The following HEATR5A variants were observed in gnomAD, a reference collection of about 807,000 sequenced individuals.
The protein encoded by HEATR5A is HEAT repeat-containing protein 5A.
HEATR5A carries 178 observed loss-of-function variants against 218.8 expected under a neutral mutation model. The observed-to-expected ratio is 0.81, with a 90% CI of 0.72 to 0.92. The LOEUF (loss-of-function observed/expected upper bound fraction) is 0.92, where lower values mean the gene tolerates loss of function less well. HEATR5A is among the 40% of genes least tolerant of loss of function. The pLI, the probability that HEATR5A is intolerant of heterozygous loss-of-function variation, is 0.00. For synonymous variants in HEATR5A, 864 were observed against 871.6 expected (o/e 0.99, Z 0.15); for missense variants, 2,420 against 2,418.9 (o/e 1.00, Z -0.01).
chr14:31,318,244 C>A lies in HEATR5A; in HGVS notation c.4018G>T (p.Val1340Phe). The change falls in exon 26 of 36, where the codon GTC becomes TTC. Residue 1340 changes from valine to phenylalanine, a missense_variant. Transcript: ENST00000543095. Reference sequence around the variant, plus strand: ...TTTACCTGACATGCTTTGGCAGTGACATCAGGTGGTGTCTCTGAAGTGAAG... The same window carrying A: ...TTTACCTGACATGCTTTGGCAGTGAAATCAGGTGGTGTCTCTGAAGTGAAG... ...PAFTSETPPDVTAKACQVCSA... is the reference protein window; with the variant it reads ...PAFTSETPPDFTAKACQVCSA... The A allele has an allele frequency of 6.2e-7, 1 of 1,613,858 alleles. No homozygotes were observed. Among genetic ancestry groups the A allele is most frequent in the Non-Finnish European group, 8.5e-7 (1 of 1,179,752 alleles).
rs1351072547 is a variant in HEATR5A, at chr14:31,293,306, C to A, written c.6140G>T (p.Ter2047LeuextTer15). The A allele has an allele frequency of 2.5e-6, 4 of 1,571,180 alleles. No individual in the cohort carries two copies. The South Asian group carries it at 3.6e-5, about 14-fold the overall frequency. The change falls in exon 36 of 36, where the codon TGA becomes TTA. Residue 2047 changes from the stop codon to leucine, a stop_lost. Coordinates refer to ENST00000543095, the MANE Select transcript of HEATR5A (RefSeq NM_015473.4). ...GTGCTTACTATTCCAAAAAAAAAAT[C>A]AGAGGAAACTGGTCTTTAATTGGAT... is the stretch of plus-strand genomic sequence containing the variant. ...SSIQLKTSFL[*>L] is the part of the protein sequence containing the mutation.
chr14:31,391,567 T>G (rs895064943), intron 6 of HEATR5A, among the ~76,000 whole-genome samples: 2 of 152,234 alleles, frequency 1.3e-5, no homozygotes, highest in African/African-American at 4.8e-5. Flanking sequence ...TTTTTAAATT[T>G]AGCATAGCCT....
intron 23 of HEATR5A, among the ~76,000 whole-genome samples, chr14:31,324,470 C>T (rs765024681): frequency 1.8e-4 from 28 of 152,002 alleles, no homozygotes; most frequent in Middle Eastern, 3.2e-3. Flanking sequence ...TTTTTTTGCA[C>T]GTTAGAATAC....
chr14:31,343,807 T>A, intron 21 of HEATR5A, 89 bp downstream of exon 21: 2 of 1,063,040 alleles, frequency 1.9e-6, no homozygotes, highest in East Asian at 2.6e-5. Flanking sequence ...ACTTTGTACA[T>A]AGTCTAGAGT....
At chr14:31,390,757 A>G (rs1311363576) in intron 6 of HEATR5A, among the ~76,000 whole-genome samples, 7 of 152,198 alleles carry the variant, frequency 4.6e-5, no homozygotes, top group African/African-American at 1.7e-4. Context: ...AAGACCATGT[A>G]ATTATGTAAA....
In HEATR5A at chr14:31,364,227, T is replaced by A; in HGVS notation, c.2033A>T (p.Tyr678Phe). ...TPSVVYRQRL[Y>F]ELLILLPPET... ...AGGAGGTAATAAAATCAACAGTTCA[T>A]AAAGTCTTTGTCTATAAACCACTGA... Residue 678 changes from tyrosine (Y) to phenylalanine (F), a missense_variant, in exon 14 of 36, where the codon TAT becomes TTT. Tyr to Phe is a conservative substitution (Grantham distance 22). Transcript: ENST00000543095. 3 of 1,553,024 alleles carry A rather than the reference T, an allele frequency of 1.9e-6. No individual in the cohort carries two copies. The highest frequency in any genetic ancestry group is 2.6e-6 in the Non-Finnish European group (3 of 1,144,992).
At chr14:31,376,569 G>A (rs890332039) in intron 11 of HEATR5A, among the ~76,000 whole-genome samples, 1 of 152,096 alleles carries the variant, frequency 6.6e-6, no homozygotes, top group Admixed American at 6.6e-5. Flanking sequence ...CACACTTTAT[G>A]AGCCATCCAC....
chr14:31,410,751 T>A (rs11628982), intron 1 of HEATR5A, among the ~76,000 whole-genome samples: 90 of 152,316 alleles, frequency 5.9e-4, no homozygotes, highest in Admixed American at 1.4e-3. Flanking sequence ...AATTCCATCT[T>A]TGAATCTGAA....
chr14:31,336,639 G>A (rs1050433662), intron 22 of HEATR5A, among the ~76,000 whole-genome samples: 2 of 152,042 alleles, frequency 1.3e-5, no homozygotes, highest in African/African-American at 4.8e-5. Flanking sequence ...TAAAAGAAGG[G>A]GCATTAAAAA....
intron 10 of HEATR5A, among the ~76,000 whole-genome samples, chr14:31,382,561 C>T (rs2030036142): frequency 6.6e-6 from 1 of 152,030 alleles, no homozygotes; most frequent in South Asian, 2.1e-4. Flanking sequence ...AAAATTCAAA[C>T]ACCTTGCTTG....
At chr14:31,413,320 C>A in intron 1 of HEATR5A, among the ~76,000 whole-genome samples, 1 of 149,464 alleles carries the variant, frequency 6.7e-6, no homozygotes. Flanking sequence ...AACACCGGGA[C>A]AAGAAATTTA....
At position 31,292,513 on chromosome 14, in the gene HEATR5A, T is replaced by C. The variant is rs1899057065; in HGVS notation, c.*792A>G. On this transcript the variant is annotated 3_prime_UTR_variant, in exon 36 of 36. Transcript: ENST00000543095. ...ATAATCCTAGACCAGGTTTCCTAAA[T>C]AGCTCTCCAATCATTTTATCTTCTT... 6.6e-6 allele frequency: 1 copy of C among 152,186 alleles called. No individual in the cohort carries two copies. The highest frequency in any genetic ancestry group is 1.5e-5 in the Non-Finnish European group (1 of 68,024). The allele number at this position is 152,186 out of a possible 1,614,324, so 9.4% of individuals were successfully genotyped here. A position where few individuals can be genotyped will look rare whatever the true frequency, so the allele number is the denominator to read the frequency against.
chr14:31,305,193 G>GTGTTTAATA lies in HEATR5A; in HGVS notation c.4967-25_4967-17dup, dbSNP rs745783211. On this transcript the variant is annotated splice_polypyrimidine_tract_variant and intron_variant, in intron 31 of 35. Coordinates refer to ENST00000543095, the MANE Select transcript of HEATR5A (RefSeq NM_015473.4). ...CCATCATCAACTAAAAGAAAGAATA[G>GTGTTTAATA]TGTTTAATACTTTGTGCTTGCTCTG... 2 of 1,609,838 alleles carry GTGTTTAATA rather than the reference G, an allele frequency of 1.2e-6. No homozygotes were observed. The highest frequency in any genetic ancestry group is 2.2e-5 in the South Asian group (2 of 90,420).
chr14:31,400,940 C>T (rs1437621507), intron 2 of HEATR5A, among the ~76,000 whole-genome samples: 2 of 151,580 alleles, frequency 1.3e-5, no homozygotes, highest in African/African-American at 2.4e-5. Flanking sequence ...CCTGGGTTCA[C>T]GCCATTCTCC....
chr14:31,395,697 A>C (rs1363445421), intron 4 of HEATR5A, among the ~76,000 whole-genome samples: 1 of 152,208 alleles, frequency 6.6e-6, no homozygotes, highest in Non-Finnish European at 1.5e-5. Flanking sequence ...CATTTACTAG[A>C]TAGGACCTTG....
At chr14:31,308,869 C>T in intron 29 of HEATR5A, 65 bp downstream of exon 29, 4 of 1,363,212 alleles carry the variant, frequency 2.9e-6, no homozygotes, top group Middle Eastern at 2.5e-4. Context: ...AGCAAAACTC[C>T]ATCTCAAAAA....
In HEATR5A at chr14:31,347,734, C is replaced by T. The variant is rs954497927; in HGVS notation, c.2868+14G>A. On this transcript the variant is annotated intron_variant, in intron 19 of 35. Coordinates refer to ENST00000543095, the MANE Select transcript of HEATR5A (RefSeq NM_015473.4). ...ATCATGAATTTCAAGGGAAGTATCA[C>T]ATGAGGTACCCACCTGCACATCAGG... 1.9e-6 allele frequency: 3 copies of T among 1,553,994 alleles called. No individual in the cohort carries two copies. Among genetic ancestry groups the T allele is most frequent in the Non-Finnish European group, 1.7e-6 (2 of 1,153,844 alleles).
Position 31,319,696 on chromosome 14 carries a change from G to A in HEATR5A, c.3970-1404C>T, listed in dbSNP as rs571476577. 2.6e-4 allele frequency among the ~76,000 whole-genome samples: 40 copies of A among 152,224 alleles called. 1 individual carries two copies. In the South Asian group the frequency reaches 8.1e-3, roughly 31 times the overall value. The stretch of plus-strand genomic sequence containing the variant: ...TTATCTTCCTTGTTCTTCTTAAATT[G>A]TTCAATGGACCAGTCAAATAATCAG... On this transcript the variant is annotated intron_variant, in intron 25 of 35. Transcript: ENST00000543095.
chr14:31,410,116 C>T (rs1223016006), intron 1 of HEATR5A, among the ~76,000 whole-genome samples: 1 of 152,130 alleles, frequency 6.6e-6, no homozygotes, highest in Non-Finnish European at 1.5e-5. Context: ...AAAAAAGTTA[C>T]TAAACAGTAA....
Sources: allele counts gnomAD v4.1 joint callset (sites outside exome capture counted in the v4.1 genomes callset), GRCh38; gene constraint gnomAD v4.1.1; transcripts MANE v1.5; gene names NCBI Gene and HGNC (gene_info 2026-07-23, HGNC 2026-07-21).